Variants in CRKL observed in about 807,000 individuals in gnomAD.
CRKL encodes crk-like protein.
Under a neutral mutation model 23.0 loss-of-function variants are expected in CRKL, and 3 were observed. That is an observed-to-expected ratio of 0.13 (90% confidence interval 0.06 to 0.34). The LOEUF (loss-of-function observed/expected upper bound fraction) is 0.34. CRKL is among the 10% of genes least tolerant of loss of function. CRKL has a pLI of 1.00. For synonymous variants in CRKL, 188 were observed against 160.7 expected (o/e 1.17, Z -1.28); for missense variants, 256 against 394.5 (o/e 0.65, Z 2.97).
chr22:20,936,872 T>TC (rs1921677736), intron 2 of CRKL, among the ~76,000 whole-genome samples: 1 of 151,010 alleles, frequency 6.6e-6, no homozygotes, highest in South Asian at 2.1e-4. Context: ...TTCCTTTTTT[T>TC]TTTTTCGAGA....
chr22:20,941,986 T>TGTGATAGCTGTTCTCTG (rs1396246303), intron 2 of CRKL, among the ~76,000 whole-genome samples: 7 of 152,232 alleles, frequency 4.6e-5, no homozygotes, highest in South Asian at 2.1e-4. Context: ...CTCTGTTTTC[T>TGTGATAGCTGTTCTCTG]GTGATAGCTG....
Position 20,952,339 on chromosome 22 carries a change from T to C in CRKL, c.*2494T>C, listed in dbSNP as rs768487862. ...GAATCAGATATACCTAGAGTATACC[T>C]GTGGTTTGGTTTTATAATTAATCAG... is the stretch of plus-strand genomic sequence containing the variant. On this transcript the variant is annotated 3_prime_UTR_variant, in exon 3 of 3. Coordinates refer to ENST00000354336, the MANE Select transcript of CRKL (RefSeq NM_005207.4). 108 of 229,616 alleles carry C rather than the reference T, an allele frequency of 4.7e-4. No homozygotes were observed. Among genetic ancestry groups the C allele is most frequent in the Admixed American group, 1.8e-3 (32 of 17,662 alleles). The allele number at this position is 229,616 out of a possible 1,614,324, so 14.2% of individuals were successfully genotyped here.
intron 1 of CRKL, among the ~76,000 whole-genome samples, chr22:20,922,006 CTTT>C (rs66728040): frequency 4.3e-5 from 3 of 69,908 alleles, no homozygotes; most frequent in Admixed American, 2.1e-4. Flanking sequence ...CTGCGCCCGG[CTTT>C]TTTTTTTTTT....
At chr22:20,928,036 A>T (rs1377442058) in intron 1 of CRKL, among the ~76,000 whole-genome samples, 1 of 151,882 alleles carries the variant, frequency 6.6e-6, no homozygotes, top group Non-Finnish European at 1.5e-5. Context: ...GGGGCCCTGT[A>T]ATCCCAGCTA....
At position 20,927,513 on chromosome 22, in the gene CRKL, C is replaced by CGTTTT. The variant is rs71186694; in HGVS notation, c.312-6266_312-6265insGTTTT. 7.9e-5 allele frequency among the ~76,000 whole-genome samples: 11 copies of CGTTTT among 139,892 alleles called. 2 individuals carry two copies. Among genetic ancestry groups the CGTTTT allele is most frequent in the Non-Finnish European group, 1.1e-4 (7 of 65,820 alleles). The allele number at this position is 139,892 out of a possible 152,430, so 91.8% of individuals were successfully genotyped here. On this transcript the variant is annotated intron_variant, in intron 1 of 2. Transcript: ENST00000354336. ...GCCCAGCTGGAATTAAGTTTTCTACCTTTTTTTTTTTTTTTTTAACTGTGA... is the reference window on the plus strand; with the variant it reads ...GCCCAGCTGGAATTAAGTTTTCTACCGTTTTTTTTTTTTTTTTTTTTTAACTGTGA...
In CRKL at chr22:20,951,308, T is replaced by A. The variant is rs1237424167; in HGVS notation, c.*1463T>A. On this transcript the variant is annotated 3_prime_UTR_variant, in exon 3 of 3. Transcript: ENST00000354336. ...TCCCAAGCAAAGGAAATGCAAGCTC[T>A]GGAAATTCGTTAATGTATTTGATGT... The A allele has an allele frequency of 2.2e-5, 5 of 232,150 alleles. No homozygotes were observed. The highest frequency in any genetic ancestry group is 3.4e-5 in the Non-Finnish European group (4 of 117,464). 14.4% of individuals were successfully genotyped at this position (232,150 alleles called of 1,614,324 possible). A position where few individuals can be genotyped will look rare whatever the true frequency, so the allele number is the denominator to read the frequency against.
chr22:20,937,504 A>C (rs894396095), intron 2 of CRKL, among the ~76,000 whole-genome samples: 2 of 149,118 alleles, frequency 1.3e-5, no homozygotes, highest in African/African-American at 5.0e-5. Flanking sequence ...AGCGAGTACT[A>C]GGAGGTTGTA....
At chr22:20,922,940 T>C (rs1921045125) in intron 1 of CRKL, among the ~76,000 whole-genome samples, 2 of 152,172 alleles carry the variant, frequency 1.3e-5, no homozygotes, top group South Asian at 4.1e-4. Context: ...CCCAAAGTGC[T>C]GGGATTACAG....
intron 2 of CRKL, among the ~76,000 whole-genome samples, chr22:20,935,662 G>T (rs1448218953): frequency 6.6e-6 from 1 of 150,954 alleles, no homozygotes; most frequent in African/African-American, 2.4e-5. Flanking sequence ...GAGTAGCGGG[G>T]CTACAGGCAT....
At chr22:20,943,476 G>T (rs1482291640) in intron 2 of CRKL, among the ~76,000 whole-genome samples, 1 of 152,120 alleles carries the variant, frequency 6.6e-6, no homozygotes, top group Non-Finnish European at 1.5e-5. Flanking sequence ...CTAAAGTGAG[G>T]TGATCCACCT....
Position 20,951,313 on chromosome 22 carries a change from A to G in CRKL, c.*1468A>G. On this transcript the variant is annotated 3_prime_UTR_variant, in exon 3 of 3. Transcript: ENST00000354336. ...AGCAAAGGAAATGCAAGCTCTGGAA[A>G]TTCGTTAATGTATTTGATGTCTTAG... 4.3e-6 allele frequency: 1 copy of G among 232,146 alleles called. No homozygotes were observed. The highest frequency in any genetic ancestry group is 8.5e-6 in the Non-Finnish European group (1 of 117,376). 14.4% of individuals were successfully genotyped at this position (232,146 alleles called of 1,614,324 possible). A position where few individuals can be genotyped will look rare whatever the true frequency, so the allele number is the denominator to read the frequency against.
chr22:20,924,487 C>A (rs1354045747), intron 1 of CRKL, among the ~76,000 whole-genome samples: 1 of 152,192 alleles, frequency 6.6e-6, no homozygotes, highest in Non-Finnish European at 1.5e-5. Context: ...GCATAGAATT[C>A]AACTCTGTGA....
At chr22:20,941,586 A>ATTTTT (rs1445560449) in intron 2 of CRKL, among the ~76,000 whole-genome samples, 2 of 18,780 alleles carry the variant, frequency 1.1e-4, no homozygotes, top group African/African-American at 1.3e-4. Flanking sequence ...GTGTATATAT[A>ATTTTT]TATTTTTTTT....
intron 2 of CRKL, among the ~76,000 whole-genome samples, chr22:20,942,044 C>T (rs1921901896): frequency 6.6e-6 from 1 of 152,092 alleles, no homozygotes; most frequent in Non-Finnish European, 1.5e-5. Flanking sequence ...GCTAGGGGTT[C>T]ACAGAGAGAA....
In CRKL at chr22:20,948,889, A is replaced by C. The variant is rs953670183; in HGVS notation, c.778-822A>C. On this transcript the variant is annotated intron_variant, in intron 2 of 2. Coordinates refer to ENST00000354336, the MANE Select transcript of CRKL (RefSeq NM_005207.4). Reference sequence around the variant, plus strand: ...TTCAAGTAGCGTTTTTATGGACCTAAGTACACAATACAGAACCTTAGATTA... The same window carrying C: ...TTCAAGTAGCGTTTTTATGGACCTACGTACACAATACAGAACCTTAGATTA... Among the ~76,000 whole-genome samples, 38 of 152,220 alleles carry C rather than the reference A, an allele frequency of 2.5e-4. 1 individual carries two copies. Among genetic ancestry groups the C allele is most frequent in the Middle Eastern group, 3.2e-3 (1 of 316 alleles).
intron 1 of CRKL, among the ~76,000 whole-genome samples, chr22:20,919,262 T>G (rs1929802456): frequency 6.6e-6 from 1 of 152,132 alleles, no homozygotes; most frequent in South Asian, 2.1e-4. Flanking sequence ...GAGGATATTT[T>G]TTGGAAAATT....
intron 1 of CRKL, among the ~76,000 whole-genome samples, chr22:20,923,867 C>CGCGCCTG (rs1921087076): frequency 6.6e-6 from 1 of 151,444 alleles, no homozygotes; most frequent in Non-Finnish European, 1.5e-5. Context: ...CGTAAGTCAC[C>CGCGCCTG]GCGCCTGGCT....
intron 2 of CRKL, among the ~76,000 whole-genome samples, chr22:20,939,094 C>A (rs1921765743): frequency 6.6e-6 from 1 of 152,166 alleles, no homozygotes; most frequent in Admixed American, 6.6e-5. Flanking sequence ...CCTCCAGTCT[C>A]AACTTGGACA....
chr22:20,921,138 C>T (rs889979479), intron 1 of CRKL, among the ~76,000 whole-genome samples: 2 of 152,222 alleles, frequency 1.3e-5, no homozygotes, highest in Admixed American at 6.5e-5. Flanking sequence ...AATGCTTCTT[C>T]GCATCCCAAA....
Sources: allele counts gnomAD v4.1 joint callset (sites outside exome capture counted in the v4.1 genomes callset), GRCh38; gene constraint gnomAD v4.1.1; transcripts MANE v1.5; gene names NCBI Gene and HGNC (gene_info 2026-07-23, HGNC 2026-07-21).